The following IFT80 variants were observed in gnomAD, a reference collection of about 807,000 sequenced individuals.
The protein encoded by IFT80 is intraflagellar transport protein 80 homolog.
In IFT80, 79 loss-of-function variants were observed where a neutral mutation model predicts 107.9. The observed-to-expected ratio is 0.73, with a 90% CI of 0.61 to 0.88. The LOEUF (loss-of-function observed/expected upper bound fraction) is 0.88. Among genes scored for constraint, IFT80 ranks in the 40% least tolerant of loss-of-function variants. The pLI is 0.00. For missense variants in IFT80, 797 were observed against 914.2 expected (o/e 0.87, Z 1.65); for synonymous variants, 299 against 300.9 (o/e 0.99, Z 0.07).
chr3:160,356,821 T>G (rs1721127155), intron 7 of IFT80, among the ~76,000 whole-genome samples: 1 of 152,190 alleles, frequency 6.6e-6, no homozygotes. Flanking sequence ...ATACCTAGCT[T>G]GCTTACCATT....
At position 160,386,429 on chromosome 3, in the gene IFT80, G is replaced by A. The variant is rs566368045; in HGVS notation, c.-46-1783C>T. Among the ~76,000 whole-genome samples the A allele has an allele frequency of 4.6e-5, 7 of 152,272 alleles. No individual in the cohort carries two copies. In the South Asian group the frequency reaches 1.5e-3, roughly 32 times the overall value. On this transcript the variant is annotated intron_variant, in intron 1 of 19. Coordinates refer to ENST00000326448, the MANE Select transcript of IFT80 (RefSeq NM_020800.3). ...TGACTAACCAGTGGTATTGGGGCAGGGGTTGGGTTTAGATAATAGAAAGAC... is the reference window on the plus strand; with the variant it reads ...TGACTAACCAGTGGTATTGGGGCAGAGGTTGGGTTTAGATAATAGAAAGAC...
chr3:160,375,368 T>C (rs1280578690), intron 5 of IFT80, among the ~76,000 whole-genome samples: 1 of 152,150 alleles, frequency 6.6e-6, no homozygotes, highest in East Asian at 1.9e-4. Flanking sequence ...TCCATCAGTA[T>C]AGAAATCAAA....
chr3:160,263,040 T>C lies in IFT80; in HGVS notation c.2224-4405A>G, dbSNP rs1041630291. On this transcript the variant is annotated intron_variant, in intron 19 of 19. Transcript: ENST00000326448. Reference sequence around the variant, plus strand: ...TAGATACCTCCTTCTGGACACCTGATAGACACTCTAATCACATACAAAATG... The same window carrying C: ...TAGATACCTCCTTCTGGACACCTGACAGACACTCTAATCACATACAAAATG... 4.6e-5 allele frequency among the ~76,000 whole-genome samples: 7 copies of C among 152,224 alleles called. No individual in the cohort carries two copies. The East Asian group carries it at 7.7e-4, about 17-fold the overall frequency.
intron 9 of IFT80, among the ~76,000 whole-genome samples, chr3:160,315,053 AAGGGAGGG>A (rs3043631): frequency 0.37 from 16,850 of 45,398 alleles, 2,776 homozygotes; most frequent in Middle Eastern, 0.48. Context: ...AAAAAGAAGG[AAGGGAGGG>A]AGGGAGGGAG....
At chr3:160,296,851 C>G (rs1288726339) in intron 12 of IFT80, among the ~76,000 whole-genome samples, 1 of 152,168 alleles carries the variant, frequency 6.6e-6, no homozygotes, top group Non-Finnish European at 1.5e-5. Flanking sequence ...TGTCTTGAAA[C>G]TCTTATGTGG....
At chr3:160,306,062 A>G (rs115460258) in intron 10 of IFT80, among the ~76,000 whole-genome samples, 2,824 of 152,266 alleles carry the variant, frequency 0.019, 87 homozygotes, top group African/African-American at 0.065. Flanking sequence ...CTTGCATTTC[A>G]TTACCACTGC....
intron 8 of IFT80, among the ~76,000 whole-genome samples, chr3:160,340,967 A>T (rs1244343212): frequency 6.6e-6 from 1 of 152,122 alleles, no homozygotes; most frequent in East Asian, 1.9e-4. Context: ...TTTTCTAAAG[A>T]TTCATATTTA....
intron 5 of IFT80, among the ~76,000 whole-genome samples, chr3:160,370,126 A>C (rs1432893006): frequency 2.0e-5 from 3 of 152,152 alleles, no homozygotes; most frequent in Non-Finnish European, 2.9e-5. Context: ...TTCATACTAT[A>C]AAAGTATCCC....
chr3:160,285,970 C>G, intron 12 of IFT80, 102 bp from the exon 13 acceptor site: 2 of 797,276 alleles, frequency 2.5e-6, no homozygotes, highest in Non-Finnish European at 4.2e-6. Context: ...ATTTAACTCT[C>G]TAGACCACAG....
At chr3:160,397,065 C>A (rs371052526) in intron 1 of IFT80, among the ~76,000 whole-genome samples, 224 of 152,272 alleles carry the variant, frequency 1.5e-3, no homozygotes, top group Non-Finnish European at 2.5e-3. Flanking sequence ...TCTTCCTATA[C>A]CTTATCACTA....
intron 5 of IFT80, among the ~76,000 whole-genome samples, chr3:160,372,160 T>C (rs1711572173): frequency 6.6e-6 from 1 of 152,194 alleles, no homozygotes; most frequent in African/African-American, 2.4e-5. Flanking sequence ...CATCAAGAAA[T>C]AAGTATAATG....
At chr3:160,375,731 A>G in intron 5 of IFT80, 81 bp downstream of exon 5, 1 of 905,848 alleles carries the variant, frequency 1.1e-6, no homozygotes, top group Non-Finnish European at 1.8e-6. Flanking sequence ...CCACCGTATT[A>G]GATTGTTTCT....
At chr3:160,301,566 G>A (rs970452522) in intron 11 of IFT80, among the ~76,000 whole-genome samples, 4 of 151,874 alleles carry the variant, frequency 2.6e-5, no homozygotes, top group Non-Finnish European at 5.9e-5. Flanking sequence ...ATTAAAATAA[G>A]GCAGTTGTGA....
intron 1 of IFT80, among the ~76,000 whole-genome samples, chr3:160,393,825 T>C (rs1198389753): frequency 1.3e-5 from 2 of 152,128 alleles, no homozygotes; most frequent in Non-Finnish European, 1.5e-5. Flanking sequence ...AAATCTCTAG[T>C]AGTGAACAAG....
chr3:160,310,420 C>A (rs1717159214), intron 9 of IFT80, among the ~76,000 whole-genome samples: 1 of 152,204 alleles, frequency 6.6e-6, no homozygotes, highest in African/African-American at 2.4e-5. Flanking sequence ...AGGAAACCAA[C>A]TTATTACTTG....
chr3:160,337,626 A>T (rs1318142073), intron 8 of IFT80, among the ~76,000 whole-genome samples: 1 of 149,520 alleles, frequency 6.7e-6, no homozygotes, highest in Admixed American at 6.6e-5. Flanking sequence ...TCTGTCTCCA[A>T]AAAAAAAAGG....
chr3:160,330,423 C>T (rs1719006273), intron 8 of IFT80, among the ~76,000 whole-genome samples: 1 of 152,172 alleles, frequency 6.6e-6, no homozygotes, highest in Non-Finnish European at 1.5e-5. Flanking sequence ...AGCCTCTAAA[C>T]CAGCTTCTCC....
chr3:160,295,683 A>G (rs1309608861), intron 12 of IFT80, among the ~76,000 whole-genome samples: 2 of 152,236 alleles, frequency 1.3e-5, no homozygotes, highest in African/African-American at 2.4e-5. Flanking sequence ...GATCTTGAAG[A>G]GATATTTGCA....
chr3:160,370,878 A>C (rs896334807), intron 5 of IFT80, among the ~76,000 whole-genome samples: 6 of 152,130 alleles, frequency 3.9e-5, no homozygotes, highest in Non-Finnish European at 1.5e-5. Context: ...CCTCTATTCA[A>C]GCCTTAATCG....
Sources: gnomAD v4.1 joint callset for allele counts (sites outside exome capture counted in the v4.1 genomes callset) on GRCh38, gnomAD v4.1.1 for gene constraint, MANE v1.5 for transcripts, NCBI Gene and HGNC (gene_info 2026-07-23, HGNC 2026-07-21) for gene names.